Variants in HIBADH observed in about 807,000 individuals in gnomAD.
HIBADH encodes the protein 3-hydroxyisobutyrate dehydrogenase, mitochondrial.
In HIBADH, 25 loss-of-function variants were observed where a neutral mutation model predicts 36.1. The observed-to-expected ratio is 0.69, with a 90% CI of 0.50 to 0.97. HIBADH has a LOEUF of 0.97. HIBADH is among the 50% of genes least tolerant of loss of function. The pLI is 0.00. For missense variants in HIBADH, 421 were observed against 418.0 expected (o/e 1.01, Z -0.06); for synonymous variants, 160 against 149.5 (o/e 1.07, Z -0.51).
At chr7:27,631,510 A>C (rs540227670) in intron 3 of HIBADH, among the ~76,000 whole-genome samples, 6 of 152,110 alleles carry the variant, frequency 3.9e-5, no homozygotes, top group Non-Finnish European at 8.8e-5. Flanking sequence ...TCTTTGCTGA[A>C]ATTCAACAAC....
chr7:27,644,318 G>A (rs1003749956), intron 2 of HIBADH, among the ~76,000 whole-genome samples: 2 of 151,894 alleles, frequency 1.3e-5, no homozygotes, highest in African/African-American at 4.8e-5. Flanking sequence ...ACAAAAAATT[G>A]GCCGGGCACG....
At chr7:27,610,594 G>A (rs1398847879) in intron 4 of HIBADH, among the ~76,000 whole-genome samples, 1 of 152,046 alleles carries the variant, frequency 6.6e-6, no homozygotes, top group Non-Finnish European at 1.5e-5. Context: ...CTGTATAATC[G>A]AAGCACTTGT....
At chr7:27,626,736 T>C (rs967470682) in intron 4 of HIBADH, among the ~76,000 whole-genome samples, 4 of 152,200 alleles carry the variant, frequency 2.6e-5, no homozygotes, top group African/African-American at 7.2e-5. Flanking sequence ...CATAGGATAA[T>C]AGAAGTATAG....
At chr7:27,578,803 AAGAAAAGC>A (rs1784751253) in intron 4 of HIBADH, among the ~76,000 whole-genome samples, 2 of 152,200 alleles carry the variant, frequency 1.3e-5, no homozygotes, top group African/African-American at 4.8e-5. Context: ...TTAGGACTCT[AAGAAAAGC>A]AGGTGCAAGC....
intron 4 of HIBADH, among the ~76,000 whole-genome samples, chr7:27,624,342 A>G (rs978567969): frequency 5.9e-5 from 9 of 152,256 alleles, no homozygotes; most frequent in Non-Finnish European, 8.8e-5. Flanking sequence ...GCTGGCCTTC[A>G]TATCAAAACC....
At chr7:27,657,912 G>T (rs2128298110) in intron 1 of HIBADH, among the ~76,000 whole-genome samples, 1 of 152,210 alleles carries the variant, frequency 6.6e-6, no homozygotes, top group South Asian at 2.1e-4. Context: ...TGCATATAAA[G>T]CGTTAAACAG....
intron 4 of HIBADH, among the ~76,000 whole-genome samples, chr7:27,608,708 T>C (rs968366410): frequency 6.6e-6 from 1 of 152,182 alleles, no homozygotes; most frequent in Non-Finnish European, 1.5e-5. Context: ...CAATAGATGT[T>C]AAAGAAAAAT....
intron 2 of HIBADH, among the ~76,000 whole-genome samples, chr7:27,640,200 TAAAC>T (rs1785936046): frequency 6.6e-6 from 1 of 152,208 alleles, no homozygotes; most frequent in Non-Finnish European, 1.5e-5. Context: ...AAACTCTTGT[TAAAC>T]AACTTAGGAA....
intron 4 of HIBADH, among the ~76,000 whole-genome samples, chr7:27,568,035 G>A (rs1407999836): frequency 6.6e-6 from 1 of 152,158 alleles, no homozygotes; most frequent in Non-Finnish European, 1.5e-5. Flanking sequence ...TGTAAGTCAA[G>A]GGGCATTGGT....
intron 4 of HIBADH, among the ~76,000 whole-genome samples, chr7:27,544,645 C>T (rs1261591081): frequency 6.6e-6 from 1 of 152,142 alleles, no homozygotes. Context: ...ACCACCATTC[C>T]TCCTAATCCT....
chr7:27,557,446 G>A (rs1784406661), intron 4 of HIBADH, among the ~76,000 whole-genome samples: 1 of 152,158 alleles, frequency 6.6e-6, no homozygotes, highest in African/African-American at 2.4e-5. Context: ...GTTACATATT[G>A]TCTTAGTCTG....
chr7:27,631,751 C>T (rs1322543185), intron 3 of HIBADH, among the ~76,000 whole-genome samples: 5 of 152,160 alleles, frequency 3.3e-5, no homozygotes, highest in African/African-American at 4.8e-5. Context: ...TATTTACATC[C>T]TACTGCTCAA....
rs532611392 is a variant in HIBADH at position 27,632,389 on chromosome 7, C to A, written c.309G>T (p.Leu103=). The A allele has an allele frequency of 1.2e-6, 2 of 1,613,382 alleles. No homozygotes were observed. Among genetic ancestry groups the A allele is most frequent in the African/African-American group, 1.3e-5 (1 of 74,842 alleles). ...AEKADRIITM[L]PTSINAIEAY... is the part of the protein sequence containing the mutation. ...CTTCTATTGCATTGATACTGGTGGG[C>A]AGCATTGTAATAATTCTGTCAGCTT... The change falls in exon 3 of 8, where the codon CTG becomes CTT. Residue 103 remains leucine (L), a synonymous_variant. Transcript: ENST00000265395.
intron 1 of HIBADH, among the ~76,000 whole-genome samples, chr7:27,652,204 A>G (rs1244759952): frequency 6.6e-6 from 1 of 152,234 alleles, no homozygotes; most frequent in African/African-American, 2.4e-5. Context: ...CCAAGATTCA[A>G]ATCCAGACAT....
At chr7:27,560,005 T>G (rs1005329589) in intron 4 of HIBADH, among the ~76,000 whole-genome samples, 6 of 152,256 alleles carry the variant, frequency 3.9e-5, no homozygotes, top group Non-Finnish European at 7.3e-5. Flanking sequence ...ATAATTTTGT[T>G]TCCTCTTCAC....
chr7:27,549,747 AACTT>A (rs1784290280), intron 4 of HIBADH, among the ~76,000 whole-genome samples: 1 of 152,140 alleles, frequency 6.6e-6, no homozygotes, highest in Non-Finnish European at 1.5e-5. Context: ...AAAGAAGTAA[AACTT>A]ACATCACCTC....
intron 4 of HIBADH, among the ~76,000 whole-genome samples, chr7:27,584,494 G>A (rs563835720): frequency 1.3e-5 from 2 of 152,076 alleles, no homozygotes; most frequent in Non-Finnish European, 2.9e-5. Context: ...TTTATCATTG[G>A]TTACAAATAC....
intron 4 of HIBADH, among the ~76,000 whole-genome samples, chr7:27,613,740 C>T (rs1254798982): frequency 2.0e-5 from 3 of 151,456 alleles, no homozygotes; most frequent in Non-Finnish European, 4.4e-5. Context: ...CTCACTGCAA[C>T]CTCCACCTTC....
At chr7:27,595,529 T>C (rs899040236) in intron 4 of HIBADH, among the ~76,000 whole-genome samples, 1 of 62,092 alleles carries the variant, frequency 1.6e-5, no homozygotes, top group Non-Finnish European at 2.9e-5. Flanking sequence ...AGAGACTCTG[T>C]CTCAAAATAA....
Sources: gnomAD v4.1 joint callset for allele counts (sites outside exome capture counted in the v4.1 genomes callset) on GRCh38, gnomAD v4.1.1 for gene constraint, MANE v1.5 for transcripts, NCBI Gene and HGNC (gene_info 2026-07-23, HGNC 2026-07-21) for gene names.